SH2B3: variants seen among roughly 807,000 people sequenced by gnomAD.
SH2B3 encodes SH2B adaptor protein 3, also known as SH2B adapter protein 3.
Under a neutral mutation model 51.9 loss-of-function variants are expected in SH2B3, and 43 were observed. The ratio of observed to expected loss-of-function variants is 0.83; its 90% CI spans 0.65 to 1.07. The LOEUF (loss-of-function observed/expected upper bound fraction) is 1.07. Ranked by LOEUF, SH2B3 falls within the 50% of genes least tolerant of loss-of-function variation. SH2B3 has a pLI of 0.00. For missense variants in SH2B3, 952 were observed against 834.3 expected (o/e 1.14, Z -1.74); for synonymous variants, 396 against 376.0 (o/e 1.05, Z -0.62).
Position 111,447,764 on chromosome 12 carries a change from G to A in SH2B3, c.1345G>A (p.Glu449Lys), listed in dbSNP as rs1874170602. 4.3e-6 allele frequency: 7 copies of A among 1,614,044 alleles called. No homozygotes were observed. The highest frequency in any genetic ancestry group is 1.3e-5 in the African/African-American group (1 of 74,930). The change falls in exon 7 of 8, where the codon GAG (glutamate) becomes AAG (lysine). Residue 449 changes from glutamate (E) to lysine (K), a missense_variant. By Grantham distance (56) the Glu-to-Lys change is moderately conservative. Coordinates refer to ENST00000341259, the MANE Select transcript of SH2B3 (RefSeq NM_005475.3). ...HHFQRSPIPLECGAACDVRLS... is the reference protein window; with the variant it reads ...HHFQRSPIPLKCGAACDVRLS... The stretch of plus-strand genomic sequence containing the variant: ...CTTCCAGCGCTCGCCCATCCCACTC[G>A]AGTGCGGCGCCGCCTGTGATGTCCG...
chr12:111,405,564 A>G (rs1489718182), upstream of SH2B3, among the ~76,000 whole-genome samples: 1 of 149,006 alleles, frequency 6.7e-6, no homozygotes, highest in Non-Finnish European at 1.5e-5. The surrounding 1 kb of genome is among the most constrained non-coding windows in gnomAD (Gnocchi z 5.4). Context: ...GCGCTGAGGC[A>G]CCTGGTGACC....
chr12:111,437,852 T>C (rs1188920552), intron 2 of SH2B3, among the ~76,000 whole-genome samples: 1 of 152,146 alleles, frequency 6.6e-6, no homozygotes, highest in Non-Finnish European at 1.5e-5. Context: ...CCTACCCAAG[T>C]GCTCATCCAT....
At position 111,418,300 on chromosome 12, in the gene SH2B3, A is replaced by C. The variant is rs2135547359; in HGVS notation, c.155A>C (p.His52Pro). The change falls in exon 2 of 8, where the codon CAT becomes CCT. Residue 52 changes from histidine (H) to proline (P), a missense_variant. Coordinates refer to ENST00000341259, the MANE Select transcript of SH2B3 (RefSeq NM_005475.3). The surrounding 1 kb of genome is among the most constrained non-coding windows in gnomAD (Gnocchi z 6.7). ...ARQYWLFAREHPQHAPLRAEL... is the reference protein window; with the variant it reads ...ARQYWLFAREPPQHAPLRAEL... The stretch of plus-strand genomic sequence containing the variant: ...CAGTACTGGCTGTTCGCCCGGGAGC[A>C]TCCGCAGCACGCGCCGCTGCGCGCC... 1 of 1,534,082 alleles carries C rather than the reference A, an allele frequency of 6.5e-7. No individual in the cohort carries two copies. Among genetic ancestry groups the C allele is most frequent in the African/African-American group, 1.4e-5 (1 of 72,178 alleles).
At chr12:111,427,334 T>C (rs1872087811) in intron 2 of SH2B3, among the ~76,000 whole-genome samples, 2 of 139,378 alleles carry the variant, frequency 1.4e-5, no homozygotes, top group South Asian at 4.4e-4. Context: ...TGCAGTGAGC[T>C]GAGATTGCAC....
chr12:111,408,037 T>C (rs1870385448), intron 1 of SH2B3, among the ~76,000 whole-genome samples: 1 of 152,126 alleles, frequency 6.6e-6, no homozygotes, highest in Non-Finnish European at 1.5e-5. Flanking sequence ...GTGGTGGTAG[T>C]GGTGATTTTA....
rs566708853 is a variant in SH2B3 at position 111,429,531 on chromosome 12, G to A, written c.732+10654G>A. On this transcript the variant is annotated intron_variant, in intron 2 of 7. Transcript: ENST00000341259. The surrounding 1 kb of genome is among the most constrained non-coding windows in gnomAD (Gnocchi z 4.4). ...GTATTATTAGTAGAGACGCGGTTTCGCCATGTTGGCCAGGCTGGTCTCGAA... is the reference window on the plus strand; with the variant it reads ...GTATTATTAGTAGAGACGCGGTTTCACCATGTTGGCCAGGCTGGTCTCGAA... Among the ~76,000 whole-genome samples, 2 of 152,166 alleles carry A rather than the reference G, an allele frequency of 1.3e-5. No homozygotes were observed. The highest frequency in any genetic ancestry group is 4.8e-5 in the African/African-American group (2 of 41,516).
intron 2 of SH2B3, among the ~76,000 whole-genome samples, chr12:111,436,117 G>A (rs370758831): frequency 2.1e-4 from 32 of 152,346 alleles, no homozygotes; most frequent in African/African-American, 7.0e-4. Flanking sequence ...TCACTGCAGC[G>A]CAGCTCCCGG....
chr12:111,432,843 C>T (rs961367563), intron 2 of SH2B3, among the ~76,000 whole-genome samples: 4 of 152,294 alleles, frequency 2.6e-5, no homozygotes, highest in Non-Finnish European at 4.4e-5. Flanking sequence ...TATTTTGTTC[C>T]TTTTTATGGC....
chr12:111,447,584 G>A lies in SH2B3; in HGVS notation c.1236+40G>A, dbSNP rs368996558. 1.8e-4 allele frequency: 290 copies of A among 1,605,860 alleles called. 4 individuals carry two copies. The South Asian group carries it at 2.6e-3, about 14-fold the overall frequency. On this transcript the variant is annotated intron_variant, in intron 6 of 7. Coordinates refer to ENST00000341259, the MANE Select transcript of SH2B3 (RefSeq NM_005475.3). ...GGGGTGGGGTGGGGCAGGCAGGACC[G>A]TGCCACCCCTCTCCACTGGAGTTCA...
chr12:111,425,120 C>T (rs913603130), intron 2 of SH2B3, among the ~76,000 whole-genome samples: 2 of 152,146 alleles, frequency 1.3e-5, no homozygotes, highest in Admixed American at 6.6e-5. Context: ...GCTCTGCCCC[C>T]GACCTGCTGT....
chr12:111,418,435 C>T lies in SH2B3; in HGVS notation c.290C>T (p.Pro97Leu). ...RDYRDTGRGP[P>L]AKAEASPEPG... is the part of the protein sequence containing the mutation. Reference sequence around the variant, plus strand: ...TACCGGGACACAGGCCGTGGGCCCCCAGCCAAGGCCGAGGCGTCCCCGGAG... The same window carrying T: ...TACCGGGACACAGGCCGTGGGCCCCTAGCCAAGGCCGAGGCGTCCCCGGAG... The change falls in exon 2 of 8, where the codon CCA (proline) becomes CTA (leucine). Residue 97 changes from proline to leucine, a missense_variant. Pro to Leu is a moderately conservative substitution (Grantham distance 98, BLOSUM62 -3). Coordinates refer to ENST00000341259, the MANE Select transcript of SH2B3 (RefSeq NM_005475.3). The surrounding 1 kb of genome is among the most constrained non-coding windows in gnomAD (Gnocchi z 6.7). 9.7e-6 allele frequency: 14 copies of T among 1,447,234 alleles called. No homozygotes were observed. Among genetic ancestry groups the T allele is most frequent in the Non-Finnish European group, 1.3e-5 (14 of 1,105,424 alleles). 89.6% of individuals were successfully genotyped at this position (1,447,234 alleles called of 1,614,324 possible).
intron 2 of SH2B3, among the ~76,000 whole-genome samples, chr12:111,433,054 A>G (rs939091823): frequency 2.6e-5 from 4 of 152,204 alleles, no homozygotes; most frequent in Admixed American, 6.5e-5. Context: ...CAGTAATTCT[A>G]TGTTTAATTA....
At position 111,447,481 on chromosome 12, in the gene SH2B3, G is replaced by A. The variant is rs926791912; in HGVS notation, c.1173G>A (p.Val391=). Reference sequence around the variant, plus strand: ...CTGATGCTCATGGAGTGTTCCTGGTGCGGCAGAGCGAGACGCGGCGTGGGG... The same window carrying A: ...CTGATGCTCATGGAGTGTTCCTGGTACGGCAGAGCGAGACGCGGCGTGGGG... ...QGPDAHGVFL[V]RQSETRRGEY... is the part of the protein sequence containing the mutation. The change falls in exon 6 of 8, where the codon GTG becomes GTA. Residue 391 remains valine, a synonymous_variant. Coordinates refer to ENST00000341259, the MANE Select transcript of SH2B3 (RefSeq NM_005475.3). 4 of 1,612,940 alleles carry A rather than the reference G, an allele frequency of 2.5e-6. No individual in the cohort carries two copies. The highest frequency in any genetic ancestry group is 2.7e-5 in the African/African-American group (2 of 74,614).
rs751599191 is a variant in SH2B3 at position 111,447,136 on chromosome 12, CAGA to C, written c.941_943del (p.Glu314del). 2.8e-5 allele frequency: 45 copies of C among 1,613,694 alleles called. No homozygotes were observed. The highest frequency in any genetic ancestry group is 3.6e-5 in the Non-Finnish European group (43 of 1,179,696). ...CTCTTCTCCAGCAGGCTGGAGAGCA[CAGA>C]AGCAGAGATGCATATTCCCTCAGCC... is the stretch of plus-strand genomic sequence containing the variant. On this transcript the variant is annotated inframe_deletion, in exon 5 of 8. Coordinates refer to ENST00000341259, the MANE Select transcript of SH2B3 (RefSeq NM_005475.3).
chr12:111,438,953 CAG>C lies in SH2B3; in HGVS notation c.733-7799_733-7798del, dbSNP rs1169120428. ...ACAAGGGTCTCTCAGATGAGGACCA[CAG>C]GGGAGTTTTTGTTTTTGTTTGTTTG... On this transcript the variant is annotated intron_variant, in intron 2 of 7. Coordinates refer to ENST00000341259, the MANE Select transcript of SH2B3 (RefSeq NM_005475.3). This position sits in a 1 kb window ranked among gnomAD's most constrained non-coding sequence, Gnocchi z 4.2. Among the ~76,000 whole-genome samples the C allele has an allele frequency of 6.6e-6, 1 of 152,076 alleles. No homozygotes were observed. The highest frequency in any genetic ancestry group is 1.9e-4 in the East Asian group (1 of 5,166).
Position 111,447,541 on chromosome 12 carries a change from C to G in SH2B3, c.1233C>G (p.Ala411=), listed in dbSNP as rs1874125337. Residue 411 remains alanine, a synonymous_variant, in exon 6 of 8, where the codon GCC becomes GCG. Coordinates refer to ENST00000341259, the MANE Select transcript of SH2B3 (RefSeq NM_005475.3). The part of the protein sequence containing the change: ...YVLTFNFQGI[A]KHLRLSLTER... The stretch of plus-strand genomic sequence containing the variant: ...TCACTTTCAACTTTCAGGGGATAGC[C>G]AAGGTATGGGGTGGGGTGGGGTGGG... The G allele has an allele frequency of 2.8e-6, 2 of 709,002 alleles. No individual in the cohort carries two copies. Among genetic ancestry groups the G allele is most frequent in the African/African-American group, 6.5e-5 (2 of 30,730 alleles). The allele number at this position is 709,002 out of a possible 1,614,324, so 43.9% of individuals were successfully genotyped here.
intron 2 of SH2B3, among the ~76,000 whole-genome samples, chr12:111,426,994 C>A (rs539692123): frequency 6.6e-6 from 1 of 152,186 alleles, no homozygotes; most frequent in Non-Finnish European, 1.5e-5. Flanking sequence ...GTGCGTCTCA[C>A]CTGGCAGTTA....
At chr12:111,441,360 T>TA (rs35496164) in intron 2 of SH2B3, among the ~76,000 whole-genome samples, 30,052 of 136,704 alleles carry the variant, frequency 0.22, 3,169 homozygotes, top group East Asian at 0.34. Flanking sequence ...CCCTATCTCT[T>TA]AAAAAAAAAA....
In SH2B3 at chr12:111,429,015, CGAG is replaced by C. The variant is rs142822757; in HGVS notation, c.732+10168_732+10170del. On this transcript the variant is annotated intron_variant, in intron 2 of 7. Transcript: ENST00000341259. This position sits in a 1 kb window ranked among gnomAD's most constrained non-coding sequence, Gnocchi z 4.4. ...GCGGTTTCCTCTCGGGGCAGGAGTGCGAGGAGGAGGAGGAGGAGGAGGAGGAGG... is the reference window on the plus strand; with the variant it reads ...GCGGTTTCCTCTCGGGGCAGGAGTGCGAGGAGGAGGAGGAGGAGGAGGAGG... Among the ~76,000 whole-genome samples the C allele has an allele frequency of 0.083, 9,495 of 114,572 alleles. 1,055 individuals carry two copies. Among genetic ancestry groups the C allele is most frequent in the East Asian group, 0.59 (2,490 of 4,206 alleles). The allele number at this position is 114,572 out of a possible 152,430, so 75.2% of individuals were successfully genotyped here.
Sources: allele counts gnomAD v4.1 joint callset (sites outside exome capture counted in the v4.1 genomes callset), GRCh38; gene constraint gnomAD v4.1.1; non-coding constraint Gnocchi (gnomAD v3.1); transcripts MANE v1.5; gene names NCBI Gene and HGNC (gene_info 2026-07-23, HGNC 2026-07-21).